Variants in ANKRD30B observed in about 807,000 individuals in gnomAD.
ANKRD30B encodes the protein ankyrin repeat domain 30B.
A neutral mutation model predicts 202.2 loss-of-function variants in ANKRD30B; 144 were observed. The observed-to-expected ratio is 0.71, with a 90% CI of 0.62 to 0.82. The LOEUF is 0.82. Ranked by LOEUF, ANKRD30B falls within the 40% of genes least tolerant of loss-of-function variation. The pLI, the probability that ANKRD30B is intolerant of heterozygous loss-of-function variation, is 0.00. For synonymous variants in ANKRD30B, 508 were observed against 561.3 expected, an observed-to-expected ratio of 0.91 and a Z score of 1.34; for missense variants, 1,487 against 1,669.1, an observed-to-expected ratio of 0.89 and a Z score of 1.90.
At chr18:14,808,785 A>G in intron 26 of ANKRD30B, 41 bp downstream of exon 26, 2 of 1,411,120 alleles carry the variant, frequency 1.4e-6, no homozygotes, top group Non-Finnish European at 1.9e-6. Context: ...AATTAAGAAT[A>G]TTAAACTATT....
At chr18:14,836,168 C>A (rs1435244676) in intron 34 of ANKRD30B, among the ~76,000 whole-genome samples, 2 of 152,094 alleles carry the variant, frequency 1.3e-5, no homozygotes, top group Non-Finnish European at 2.9e-5. Flanking sequence ...TCATGTAGGT[C>A]ATCTACTCAT....
At chr18:14,821,356 T>C (rs1338285977) in intron 30 of ANKRD30B, among the ~76,000 whole-genome samples, 1 of 152,196 alleles carries the variant, frequency 6.6e-6, no homozygotes, top group African/African-American at 2.4e-5. Flanking sequence ...TTTGTGTCTC[T>C]ATTTCCTTCA....
At chr18:14,819,902 A>C (rs985813334) in intron 30 of ANKRD30B, among the ~76,000 whole-genome samples, 3 of 152,156 alleles carry the variant, frequency 2.0e-5, no homozygotes, top group Non-Finnish European at 2.9e-5. Flanking sequence ...CTGTGAAGAA[A>C]GTCATTGGTA....
chr18:14,929,198 T>C, the ANKRD30B span, among the ~76,000 whole-genome samples: 1 of 152,202 alleles, frequency 6.6e-6, no homozygotes, highest in Non-Finnish European at 1.5e-5. Flanking sequence ...CAAATGCATA[T>C]GCCTACGACC....
chr18:14,849,598 T>C (rs954667160), intron 40 of ANKRD30B, among the ~76,000 whole-genome samples: 13 of 151,724 alleles, frequency 8.6e-5, no homozygotes, highest in Non-Finnish European at 5.9e-5. Context: ...ATTAAATATT[T>C]ATACTTTTTC....
the ANKRD30B span, among the ~76,000 whole-genome samples, chr18:14,938,779 T>C: frequency 6.6e-6 from 1 of 152,362 alleles, no homozygotes; most frequent in African/African-American, 2.4e-5. Context: ...TCACCTCCTG[T>C]TATTAGTCTT....
Position 14,850,236 on chromosome 18 carries a change from G to A in ANKRD30B, c.3418G>A (p.Glu1140Lys). 3 of 1,564,972 alleles carry A rather than the reference G, an allele frequency of 1.9e-6. No individual in the cohort carries two copies. The highest frequency in any genetic ancestry group is 2.6e-6 in the Non-Finnish European group (3 of 1,161,006). Residue 1140 changes from glutamate to lysine, a missense_variant, in exon 41 of 44, where the codon GAG becomes AAG. This residue lies in a region of ANKRD30B where 177 missense variants were observed against 216.4 expected (regional missense o/e 0.82). Coordinates refer to ENST00000690538, the MANE Select transcript of ANKRD30B (RefSeq NM_001367607.2). ...SVRLTLNQEE[E>K]KRRNVDILKE... ...CAGATTGACTTTAAATCAAGAAGAA[G>A]AGAAGAGAAGAAATGTCGATATATT...
the ANKRD30B span, among the ~76,000 whole-genome samples, chr18:14,867,278 T>C: frequency 2.3e-5 from 3 of 129,002 alleles, no homozygotes; most frequent in Non-Finnish European, 3.2e-5. Context: ...TCTGGGTGTG[T>C]TGTGGGCACA....
chr18:14,851,695 C>T lies in ANKRD30B; in HGVS notation c.3751C>T (p.Leu1251=), dbSNP rs542857264. ...TGCTGAACTTCAAATGACCCTAAAA[C>T]TGAAACAGAAAACAGTAACAAAAAG... The part of the protein sequence containing the change: ...KNAELQMTLK[L]KQKTVTKRAS... Residue 1251 remains leucine (L), a synonymous_variant, in exon 42 of 44, where the codon CTG becomes TTG. Transcript: ENST00000690538. 20 of 1,610,608 alleles carry T rather than the reference C, an allele frequency of 1.2e-5. No individual in the cohort carries two copies. In the Admixed American group the frequency reaches 3.2e-4, roughly 26 times the overall value.
chr18:14,788,242 G>A (rs1968216477), intron 15 of ANKRD30B, among the ~76,000 whole-genome samples: 1 of 152,150 alleles, frequency 6.6e-6, no homozygotes, highest in Non-Finnish European at 1.5e-5. Context: ...ATATAAGTTA[G>A]ATATTTTTAA....
chr18:14,752,309 G>A (rs1913579195), intron 1 of ANKRD30B, among the ~76,000 whole-genome samples: 1 of 152,140 alleles, frequency 6.6e-6, no homozygotes. Flanking sequence ...GCTAGAAAGT[G>A]AAAGACCTTA....
chr18:14,781,288 CTT>C (rs892666549), intron 11 of ANKRD30B, among the ~76,000 whole-genome samples: 71 of 85,658 alleles, frequency 8.3e-4, no homozygotes, highest in African/African-American at 3.1e-3. Flanking sequence ...TCTGAGTATT[CTT>C]TTTTTTTTTT....
At chr18:14,915,837 A>G in the ANKRD30B span, among the ~76,000 whole-genome samples, 9 of 152,214 alleles carry the variant, frequency 5.9e-5, no homozygotes, top group Non-Finnish European at 1.2e-4. Context: ...CCACAAGTCA[A>G]AAGTATTCAG....
rs940236431 is a variant in ANKRD30B, at chr18:14,818,651, G to A, written c.2642-3832G>A. On this transcript the variant is annotated intron_variant, in intron 30 of 43. Transcript: ENST00000690538. ...CTTGTGATAGTTTACTGAGAATGAT[G>A]ATTTCCAGTTTCATCCATGTCCCTA... Among the ~76,000 whole-genome samples the A allele has an allele frequency of 1.1e-4, 16 of 151,670 alleles. No individual in the cohort carries two copies. The South Asian group carries it at 1.5e-3, about 14-fold the overall frequency.
intron 15 of ANKRD30B, among the ~76,000 whole-genome samples, chr18:14,789,922 G>T (rs1319035564): frequency 6.6e-6 from 1 of 152,232 alleles, no homozygotes; most frequent in African/African-American, 2.4e-5. Context: ...TTCCAATTCT[G>T]TGAAGAAAGT....
intron 15 of ANKRD30B, among the ~76,000 whole-genome samples, chr18:14,789,281 TG>T (rs1968305081): frequency 6.6e-6 from 1 of 152,252 alleles, no homozygotes; most frequent in Non-Finnish European, 1.5e-5. Context: ...TTGTAGATTC[TG>T]GATATTAGCC....
intron 6 of ANKRD30B, 130 bp from the exon 7 acceptor site, chr18:14,763,556 G>C: frequency 1.5e-6 from 2 of 1,318,520 alleles, no homozygotes; most frequent in Non-Finnish European, 2.1e-6. Flanking sequence ...TCAAAAAAAA[G>C]AGAAGAGAGA....
chr18:14,872,089 C>T, the ANKRD30B span, among the ~76,000 whole-genome samples: 15 of 152,212 alleles, frequency 9.9e-5, no homozygotes, highest in African/African-American at 2.6e-4. Flanking sequence ...CACACAGCCA[C>T]GAAGCAGACA....
chr18:14,855,300 ACTT>A (rs1327283904), downstream of ANKRD30B, among the ~76,000 whole-genome samples: 1 of 152,208 alleles, frequency 6.6e-6, no homozygotes, highest in Admixed American at 6.5e-5. Context: ...TCCTATGTCT[ACTT>A]CTTTCTACAC....
Sources: gnomAD v4.1 joint callset for allele counts (sites outside exome capture counted in the v4.1 genomes callset) on GRCh38, gnomAD v4.1.1 for gene constraint, gnomAD v4.1.1 regional missense constraint, MANE v1.5 for transcripts, NCBI Gene and HGNC (gene_info 2026-07-23, HGNC 2026-07-21) for gene names.